The following NTRK3 variants were observed in gnomAD, a reference collection of about 807,000 sequenced individuals.
The protein encoded by NTRK3 is NT-3 growth factor receptor.
A neutral mutation model predicts 91.7 loss-of-function variants in NTRK3; 24 were observed. That is an observed-to-expected ratio of 0.26 (90% CI 0.19 to 0.37). The LOEUF is 0.37. Among genes scored for constraint, NTRK3 ranks in the 10% least tolerant of loss-of-function variants. The probability of loss-of-function intolerance (pLI) is 1.00; values close to 1 mark genes in which losing one functional copy is unlikely to be tolerated. For synonymous variants in NTRK3, 483 were observed against 404.0 expected (o/e 1.20, Z -2.34); for missense variants, 880 against 1,068.9 (o/e 0.82, Z 2.46).
At chr15:87,902,032 T>A (rs1408229495) in intron 17 of NTRK3, among the ~76,000 whole-genome samples, 6 of 152,238 alleles carry the variant, frequency 3.9e-5, no homozygotes, top group Admixed American at 1.3e-4. Context: ...ATCCTATAAA[T>A]GTGATTTATA....
intron 14 of NTRK3, among the ~76,000 whole-genome samples, chr15:88,003,629 C>T (rs2076270568): frequency 6.6e-6 from 1 of 152,152 alleles, no homozygotes; most frequent in African/African-American, 2.4e-5. Flanking sequence ...CAGCTAACTA[C>T]TACAATGCAC....
rs117451045 is a variant in NTRK3, at chr15:87,886,927, T to C, written c.2134-6499A>G. Among the ~76,000 whole-genome samples the C allele has an allele frequency of 9.7e-4, 147 of 151,894 alleles. 2 individuals carry two copies. The highest frequency in any genetic ancestry group is 1.8e-3 in the Admixed American group (27 of 15,252). Reference sequence around the variant, plus strand: ...AAGAAAAATTATGTTTGTGATAGAATATCATAGACTGGTTTATTGCACTTG... The same window carrying C: ...AAGAAAAATTATGTTTGTGATAGAACATCATAGACTGGTTTATTGCACTTG... On this transcript the variant is annotated intron_variant, in intron 17 of 18. Transcript: ENST00000394480.
At chr15:88,183,966 G>A (rs1013339187) in intron 4 of NTRK3, among the ~76,000 whole-genome samples, 3 of 152,092 alleles carry the variant, frequency 2.0e-5, no homozygotes, top group Admixed American at 1.3e-4. Context: ...GGCCTGCCTT[G>A]AAACCCTACC....
At chr15:87,913,374 T>C (rs1194461623) in intron 17 of NTRK3, among the ~76,000 whole-genome samples, 2 of 152,108 alleles carry the variant, frequency 1.3e-5, no homozygotes, top group African/African-American at 2.4e-5. Context: ...GGTTAGAGCA[T>C]GCCTAACAGG....
At chr15:87,947,684 G>C (rs2070703963) in intron 14 of NTRK3, among the ~76,000 whole-genome samples, 1 of 152,054 alleles carries the variant, frequency 6.6e-6, no homozygotes, top group African/African-American at 2.4e-5. Context: ...GGAGATTCTT[G>C]GCAGGAGAGA....
chr15:87,951,230 C>T (rs1460107827), intron 14 of NTRK3, among the ~76,000 whole-genome samples: 1 of 152,194 alleles, frequency 6.6e-6, no homozygotes, highest in Non-Finnish European at 1.5e-5. Flanking sequence ...ATTTCCTGAT[C>T]TTCTCTTTCT....
intron 6 of NTRK3, among the ~76,000 whole-genome samples, chr15:88,145,015 C>T (rs942148113): frequency 6.6e-6 from 1 of 152,206 alleles, no homozygotes; most frequent in Non-Finnish European, 1.5e-5. Flanking sequence ...CCACAACACA[C>T]TGAGCCCTTT....
At chr15:88,093,479 G>A (rs747038493) in intron 13 of NTRK3, among the ~76,000 whole-genome samples, 15 of 152,118 alleles carry the variant, frequency 9.9e-5, no homozygotes, top group Non-Finnish European at 1.5e-4. Context: ...CTTATGGATG[G>A]GTGTCAGTTT....
chr15:88,111,384 A>G (rs1170223595), intron 13 of NTRK3, among the ~76,000 whole-genome samples: 2 of 152,204 alleles, frequency 1.3e-5, no homozygotes, highest in South Asian at 2.1e-4. Flanking sequence ...AAGGGCCAGG[A>G]CCAGGGCCAA....
At chr15:88,160,319 A>C (rs2044327753) in intron 5 of NTRK3, among the ~76,000 whole-genome samples, 1 of 152,194 alleles carries the variant, frequency 6.6e-6, no homozygotes, top group Non-Finnish European at 1.5e-5. Flanking sequence ...TGAGGGACCC[A>C]TACCCCTGGT....
chr15:88,123,523 T>G (rs931030022), intron 13 of NTRK3, among the ~76,000 whole-genome samples: 1 of 152,218 alleles, frequency 6.6e-6, no homozygotes, highest in African/African-American at 2.4e-5. Flanking sequence ...TCAAACTCGG[T>G]AAAATAATTG....
chr15:88,178,352 C>T (rs767537205), intron 5 of NTRK3, among the ~76,000 whole-genome samples: 19 of 152,144 alleles, frequency 1.2e-4, no homozygotes, highest in Non-Finnish European at 2.2e-4. Context: ...AAATTTATTA[C>T]CTATGCAGTC....
chr15:87,935,586 G>A (rs558474295), intron 15 of NTRK3, among the ~76,000 whole-genome samples: 3 of 152,210 alleles, frequency 2.0e-5, no homozygotes, highest in Non-Finnish European at 4.4e-5. Context: ...AGAAGAAGGG[G>A]AAAAAACTGA....
At chr15:88,180,071 C>T (rs1184414619) in intron 5 of NTRK3, among the ~76,000 whole-genome samples, 1 of 152,218 alleles carries the variant, frequency 6.6e-6, no homozygotes, top group Non-Finnish European at 1.5e-5. Flanking sequence ...ACTATCATTA[C>T]TAGCAACTGT....
chr15:87,989,906 C>T (rs1451890271), intron 14 of NTRK3, among the ~76,000 whole-genome samples: 1 of 152,122 alleles, frequency 6.6e-6, no homozygotes, highest in Non-Finnish European at 1.5e-5. Flanking sequence ...CATGCCTGGG[C>T]TTGTTTCAAG....
exon 17 of NTRK3, chr15:87,929,320 C>T (rs368373731): frequency 6.8e-6 from 11 of 1,614,084 alleles, no homozygotes; most frequent in Non-Finnish European, 9.3e-6. Flanking sequence ...AGGCCAGGTA[C>T]ACCATACCCG....
chr15:88,119,963 G>A (rs1416520229), intron 13 of NTRK3, among the ~76,000 whole-genome samples: 1 of 152,100 alleles, frequency 6.6e-6, no homozygotes, highest in Non-Finnish European at 1.5e-5. Context: ...CCCCTGCTCT[G>A]CACACATGGC....
At chr15:88,029,192 A>G (rs943188755) in intron 14 of NTRK3, among the ~76,000 whole-genome samples, 1 of 152,216 alleles carries the variant, frequency 6.6e-6, no homozygotes, top group Admixed American at 6.5e-5. Flanking sequence ...TATACATTGC[A>G]AACTAGGAGC....
At chr15:88,206,323 G>A (rs1476817069) in intron 3 of NTRK3, among the ~76,000 whole-genome samples, 5 of 142,166 alleles carry the variant, frequency 3.5e-5, no homozygotes, top group South Asian at 2.3e-4. Flanking sequence ...TCCAGCCTGG[G>A]CGACAGCGAG....
Sources: allele counts gnomAD v4.1 joint callset (sites outside exome capture counted in the v4.1 genomes callset), GRCh38; gene constraint gnomAD v4.1.1; transcripts MANE v1.5; gene names NCBI Gene and HGNC (gene_info 2026-07-23, HGNC 2026-07-21).